The following AXIN2 variants were observed in gnomAD, a reference collection of about 807,000 sequenced individuals.
The protein encoded by AXIN2 is axin-2.
Under a neutral mutation model 74.7 loss-of-function variants are expected in AXIN2, and 21 were observed. The ratio of observed to expected loss-of-function variants is 0.28; its 90% CI spans 0.20 to 0.40. The LOEUF (loss-of-function observed/expected upper bound fraction) is 0.40. Among genes scored for constraint, AXIN2 ranks in the 10% least tolerant of loss-of-function variants. The pLI, the probability that AXIN2 is intolerant of heterozygous loss-of-function variation, is 1.00. For synonymous variants in AXIN2, 532 were observed against 454.9 expected (o/e 1.17, Z -2.16); for missense variants, 1,144 against 1,111.1 (o/e 1.03, Z -0.42).
At chr17:65,538,365 GGGA>G in intron 4 of AXIN2, 22 bp from the exon 5 acceptor site, 1 of 1,613,880 alleles carries the variant, frequency 6.2e-7, no homozygotes, top group Non-Finnish European at 8.5e-7. Flanking sequence ...GGAAAGGAAA[GGGA>G]GGAGGCACGT....
intron 3 of AXIN2, among the ~76,000 whole-genome samples, chr17:65,544,824 C>T (rs1481229776): frequency 6.6e-6 from 1 of 152,156 alleles, no homozygotes; most frequent in Non-Finnish European, 1.5e-5. Context: ...TTGACTCCAC[C>T]GTGCCCGACC....
In AXIN2 at chr17:65,555,492, C is replaced by G. The variant is rs192775827; in HGVS notation, c.815+2314G>C. On this transcript the variant is annotated intron_variant, in intron 2 of 10. Coordinates refer to ENST00000307078, the MANE Select transcript of AXIN2 (RefSeq NM_004655.4). ...GAAAATGGGCTAAGCCAAGAGTCAC[C>G]CTTTAAAAGTGACATCCCAACCTGG... Among the ~76,000 whole-genome samples, 236 of 152,228 alleles carry G rather than the reference C, an allele frequency of 1.6e-3. 2 individuals carry two copies. Among genetic ancestry groups the G allele is most frequent in the African/African-American group, 5.5e-3 (230 of 41,552 alleles).
chr17:65,556,636 C>T (rs928104703), intron 2 of AXIN2, among the ~76,000 whole-genome samples: 2 of 152,156 alleles, frequency 1.3e-5, no homozygotes, highest in South Asian at 4.1e-4. Context: ...CTCTGCCGCC[C>T]CTAAAATCAT....
intron 3 of AXIN2, among the ~76,000 whole-genome samples, chr17:65,544,067 G>T (rs2144512194): frequency 6.6e-6 from 1 of 152,212 alleles, no homozygotes; most frequent in Non-Finnish European, 1.5e-5. Context: ...GTTCCTGACA[G>T]TCTTGGGGGC....
chr17:65,560,324 C>T (rs1481091830), intron 1 of AXIN2: 1 of 152,150 alleles, frequency 6.6e-6, no homozygotes, highest in Admixed American at 6.5e-5. Context: ...GACTGAGCCT[C>T]CGCCAGCGCT....
In AXIN2 at chr17:65,561,616, A is replaced by T. The variant is rs1012359564; in HGVS notation, c.-283T>A. 6.6e-6 allele frequency: 1 copy of T among 150,546 alleles called. No homozygotes were observed. The highest frequency in any genetic ancestry group is 6.6e-5 in the Admixed American group (1 of 15,054). The allele number at this position is 150,546 out of a possible 1,614,324, so 9.3% of individuals were successfully genotyped here. A position where few individuals can be genotyped will look rare whatever the true frequency, so the allele number is the denominator to read the frequency against. ...CGACTCCCCCGGGCCAGGCTCGCGG[A>T]GCCAGTGATCCCGCCGCGCCAATCA... On this transcript the variant is annotated 5_prime_UTR_variant, in exon 1 of 11. Coordinates refer to ENST00000307078, the MANE Select transcript of AXIN2 (RefSeq NM_004655.4).
At chr17:65,534,214 G>A in intron 9 of AXIN2, 135 bp from the exon 10 acceptor site, 1 of 1,126,268 alleles carries the variant, frequency 8.9e-7, no homozygotes. Flanking sequence ...ACCCAAAGTG[G>A]GGGCTGGGGC....
chr17:65,540,195 G>A (rs2044019904), intron 4 of AXIN2, among the ~76,000 whole-genome samples: 1 of 152,240 alleles, frequency 6.6e-6, no homozygotes, highest in Non-Finnish European at 1.5e-5. Context: ...ATGACTTGGA[G>A]TCCTGTGGTT....
Position 65,537,786 on chromosome 17 carries a change from G to A in AXIN2, c.1250C>T (p.Ala417Val), listed in dbSNP as rs201460658. The A allele has an allele frequency of 6.4e-4, 1,018 of 1,586,630 alleles. 5 individuals are homozygous for A. In the East Asian group the frequency reaches 0.019, roughly 30 times the overall value. The change falls in exon 6 of 11, where the codon GCG becomes GTG. Residue 417 changes from alanine (A) to valine (V), a missense_variant. Physicochemically the swap from Ala to Val is moderately conservative, Grantham distance 64 (BLOSUM62 0). This residue lies in a region of AXIN2 where 1,053 missense variants were observed against 973.5 expected (regional missense o/e 1.08). Transcript: ENST00000307078. ...TAGGGAGAGGGGGTGCTGCGTGGGC[G>A]CCCCCTCCCGCGAATTGAGTGTGAG... ...SELTLNSREG[A>V]PTQHPLSLLP...
chr17:65,536,247 C>T lies in AXIN2; in HGVS notation c.2141+73G>A, dbSNP rs4072245. On this transcript the variant is annotated intron_variant, in intron 8 of 10. Transcript: ENST00000307078. ...ACCCAGGCAGAAAGAGAGGCCCTCC[C>T]CATTAGCCACAGACCAGGTCTCCAC... 0.063 allele frequency: 90,794 copies of T among 1,452,374 alleles called. 3,187 individuals are homozygous for T. Among genetic ancestry groups the T allele is most frequent in the South Asian group, 0.12 (9,864 of 82,060 alleles). 90.0% of individuals were successfully genotyped at this position (1,452,374 alleles called of 1,614,324 possible).
At chr17:65,557,505 T>C (rs2044284184) in intron 2 of AXIN2, among the ~76,000 whole-genome samples, 1 of 152,056 alleles carries the variant, frequency 6.6e-6, no homozygotes, top group Non-Finnish European at 1.5e-5. Flanking sequence ...AAAGCTGCTG[T>C]CCTCTCTCTC....
chr17:65,530,226 A>G, intron 10 of AXIN2, 124 bp from the exon 11 acceptor site: 3 of 1,270,950 alleles, frequency 2.4e-6, no homozygotes, highest in Non-Finnish European at 3.4e-6. Flanking sequence ...GTGCCTGTAC[A>G]CTGTTGCGCA....
rs1060504490 is a variant in AXIN2, at chr17:65,537,598, G to C, written c.1438C>G (p.Leu480Val). The change falls in exon 6 of 11, where the codon CTG (leucine) becomes GTG (valine). Residue 480 changes from leucine to valine, a missense_variant. Transcript: ENST00000307078. ...GGCAGCTTGCCACCGGGCGGGAGCA[G>C]GGAGTGGTACTGCGAATGGTGGTGG... ...HHHHHSQYHS[L>V]LPPGGKLPPA... 1 of 1,604,484 alleles carries C rather than the reference G, an allele frequency of 6.2e-7. No individual in the cohort carries two copies. Among genetic ancestry groups the C allele is most frequent in the Non-Finnish European group, 8.5e-7 (1 of 1,177,098 alleles).
chr17:65,543,056 T>C (rs566950605), intron 3 of AXIN2, among the ~76,000 whole-genome samples: 136 of 152,244 alleles, frequency 8.9e-4, no homozygotes, highest in Middle Eastern at 6.8e-3. Context: ...AAGATTCCAA[T>C]AGATCAACAA....
intron 3 of AXIN2, 65 bp from the exon 4 acceptor site, chr17:65,541,622 T>TGAAA: frequency 7.6e-7 from 1 of 1,320,818 alleles, no homozygotes; most frequent in Non-Finnish European, 1.1e-6. Flanking sequence ...TCACATGGGC[T>TGAAA]ACTGTCATAT....
chr17:65,538,103 CGCACATGCGCACACCCTAACGCACCCCAT>C (rs748445283), intron 5 of AXIN2, 71 bp downstream of exon 5: 28 of 1,580,746 alleles, frequency 1.8e-5, no homozygotes, highest in South Asian at 1.0e-4. Context: ...ATGCAACCCA[CGCACATGCGCACACCCTAACGCACCCCAT>C]GCACATGCGC....
chr17:65,538,425 G>T, intron 4 of AXIN2, 82 bp from the exon 5 acceptor site: 1 of 1,576,700 alleles, frequency 6.3e-7, no homozygotes, highest in Non-Finnish European at 8.7e-7. Flanking sequence ...TCCCGCACCA[G>T]GCGCTGTGCA....
chr17:65,560,365 G>A (rs2044347042), intron 1 of AXIN2: 1 of 151,856 alleles, frequency 6.6e-6, no homozygotes, highest in Non-Finnish European at 1.5e-5. Flanking sequence ...CCGCGGCAGG[G>A]AGGGGAAAAG....
chr17:65,560,661 A>C (rs2044353901), intron 1 of AXIN2: 1 of 151,048 alleles, frequency 6.6e-6, no homozygotes, highest in Non-Finnish European at 1.5e-5. Context: ...CAGGGCGCGC[A>C]AGGCTGCCCG....
Sources: allele counts gnomAD v4.1 joint callset (sites outside exome capture counted in the v4.1 genomes callset), GRCh38; gene constraint gnomAD v4.1.1; regional missense constraint gnomAD v4.1.1; transcripts MANE v1.5; gene names NCBI Gene and HGNC (gene_info 2026-07-23, HGNC 2026-07-21).